Variants in CHRM3 observed in about 807,000 individuals in gnomAD.
CHRM3 encodes muscarinic acetylcholine receptor M3.
In CHRM3, 11 loss-of-function variants were observed where a neutral mutation model predicts 41.8. The ratio of observed to expected loss-of-function variants is 0.26; its 90% CI spans 0.17 to 0.44. CHRM3 has a LOEUF of 0.44. Ranked by LOEUF, CHRM3 falls within the 20% of genes least tolerant of loss-of-function variation. The probability of loss-of-function intolerance (pLI) is 1.00; values close to 1 mark genes in which losing one functional copy is unlikely to be tolerated. For missense variants in CHRM3, 571 were observed against 745.4 expected (o/e 0.77, Z 2.72); for synonymous variants, 297 against 301.4 (o/e 0.99, Z 0.15).
At position 239,910,405 on chromosome 1, in the gene CHRM3, C is replaced by T; in HGVS notation, c.*1181C>T. 6.0e-6 allele frequency: 1 copy of T among 165,636 alleles called. No homozygotes were observed. 10.3% of individuals were successfully genotyped at this position (165,636 alleles called of 1,614,324 possible). A position where few individuals can be genotyped will look rare whatever the true frequency, so the allele number is the denominator to read the frequency against. ...ATTGTGTTTGATTCTTGCTGAATGG[C>T]ACCTTCTCAAAGAAAATAGGGCTTG... is the stretch of plus-strand genomic sequence containing the variant. On this transcript the variant is annotated 3_prime_UTR_variant, in exon 7 of 7. Transcript: ENST00000676153.
At chr1:239,874,305 A>ATCTATATACACAG (rs796978990) in intron 6 of CHRM3, among the ~76,000 whole-genome samples, 2,222 of 119,078 alleles carry the variant, frequency 0.019, 40 homozygotes, top group Middle Eastern at 0.037. Context: ...ATATATATAT[A>ATCTATATACACAG]TATATATATA....
chr1:239,602,082 A>G (rs1026037584), intron 3 of CHRM3, among the ~76,000 whole-genome samples: 2 of 49,102 alleles, frequency 4.1e-5, no homozygotes, highest in African/African-American at 8.6e-5. Context: ...GTACACATAC[A>G]TATATACATG....
chr1:239,662,164 G>GT (rs1159161159), intron 4 of CHRM3, among the ~76,000 whole-genome samples: 1 of 146,260 alleles, frequency 6.8e-6, no homozygotes, highest in Non-Finnish European at 1.5e-5. Flanking sequence ...TGGATAAGAG[G>GT]TTAAAAAAAA....
intron 1 of CHRM3, among the ~76,000 whole-genome samples, chr1:239,389,923 A>T (rs903558292): frequency 1.3e-5 from 2 of 152,184 alleles, no homozygotes; most frequent in Non-Finnish European, 2.9e-5. Flanking sequence ...GGCACTTTAG[A>T]TAGGAGATGA....
chr1:239,646,505 T>G (rs911396130), intron 4 of CHRM3, among the ~76,000 whole-genome samples: 1 of 152,210 alleles, frequency 6.6e-6, no homozygotes, highest in Non-Finnish European at 1.5e-5. Context: ...GAAAGTGACA[T>G]GTTAATTGAC....
chr1:239,509,089 A>G (rs1329927290), intron 2 of CHRM3, among the ~76,000 whole-genome samples: 1 of 152,224 alleles, frequency 6.6e-6, no homozygotes, highest in African/African-American at 2.4e-5. Context: ...TATTACAGTG[A>G]TAAGGAATTT....
At position 239,913,937 on chromosome 1, in the gene CHRM3, G is replaced by A. The variant is rs1458089316; in HGVS notation, c.*4713G>A. On this transcript the variant is annotated 3_prime_UTR_variant, in exon 7 of 7. Coordinates refer to ENST00000676153, the MANE Select transcript of CHRM3 (RefSeq NM_001375978.1). ...GTAGAACCACAGAGACTCACACAAA[G>A]TTCTGACCCTACCACTCTGGTCTGG... 3 of 166,986 alleles carry A rather than the reference G, an allele frequency of 1.8e-5. No individual in the cohort carries two copies. The highest frequency in any genetic ancestry group is 2.9e-5 in the Non-Finnish European group (2 of 68,106). 10.3% of individuals were successfully genotyped at this position (166,986 alleles called of 1,614,324 possible).
intron 5 of CHRM3, among the ~76,000 whole-genome samples, chr1:239,811,084 C>T (rs970396445): frequency 2.0e-5 from 3 of 152,196 alleles, no homozygotes; most frequent in Non-Finnish European, 4.4e-5. Flanking sequence ...TGAATTCGAA[C>T]AGTTTATGAA....
intron 1 of CHRM3, among the ~76,000 whole-genome samples, chr1:239,486,684 T>C (rs1572464895): frequency 6.6e-6 from 1 of 152,196 alleles, no homozygotes; most frequent in East Asian, 1.9e-4. Context: ...ACAAAACAGG[T>C]GGCTAATAAG....
At position 239,490,827 on chromosome 1, in the gene CHRM3, G is replaced by A. The variant is rs149893530; in HGVS notation, c.-520-1882G>A. ...AGTGGTGCCATCACAGCTCACTGCA[G>A]CCTCATTCTTCCGGGGCTGACTTCC... On this transcript the variant is annotated intron_variant, in intron 1 of 6. Transcript: ENST00000676153. Among the ~76,000 whole-genome samples the A allele has an allele frequency of 4.4e-3, 677 of 152,180 alleles. 5 individuals are homozygous for A. The highest frequency in any genetic ancestry group is 0.014 in the Middle Eastern group (4 of 294).
intron 5 of CHRM3, among the ~76,000 whole-genome samples, chr1:239,766,872 TG>T (rs1197564539): frequency 3.3e-5 from 5 of 152,064 alleles, no homozygotes; most frequent in Non-Finnish European, 7.4e-5. Context: ...CCACCATGCC[TG>T]GCTAATTTTT....
intron 3 of CHRM3, among the ~76,000 whole-genome samples, chr1:239,591,630 T>G (rs1664166150): frequency 6.6e-6 from 1 of 152,032 alleles, no homozygotes; most frequent in African/African-American, 2.4e-5. Context: ...GAAACAAGAT[T>G]ACTCTGAACT....
At chr1:239,635,942 T>C (rs1425516628) in intron 4 of CHRM3, among the ~76,000 whole-genome samples, 1 of 151,978 alleles carries the variant, frequency 6.6e-6, no homozygotes, top group Non-Finnish European at 1.5e-5. Context: ...TTTGCTTAGA[T>C]GGGAAGAAAA....
intron 4 of CHRM3, among the ~76,000 whole-genome samples, chr1:239,669,120 T>G (rs1199976696): frequency 6.6e-6 from 1 of 152,202 alleles, no homozygotes; most frequent in Non-Finnish European, 1.5e-5. Context: ...TGGAATAGGC[T>G]GTGCACTCCT....
chr1:239,403,517 C>T (rs569282726), intron 1 of CHRM3, among the ~76,000 whole-genome samples: 4 of 152,180 alleles, frequency 2.6e-5, no homozygotes, highest in Non-Finnish European at 4.4e-5. Context: ...CAGAACTTCC[C>T]TTGCCTGGAG....
rs180689528 is a variant in CHRM3, at chr1:239,474,115, A to G, written c.-520-18594A>G. The stretch of plus-strand genomic sequence containing the variant: ...CATTTCAGAGTATAAAAGAAAAAAT[A>G]AAATTAAAATCAACCATATAAAGAT... On this transcript the variant is annotated intron_variant, in intron 1 of 6. Coordinates refer to ENST00000676153, the MANE Select transcript of CHRM3 (RefSeq NM_001375978.1). 5.6e-4 allele frequency among the ~76,000 whole-genome samples: 85 copies of G among 152,230 alleles called. 1 individual carries two copies. Among genetic ancestry groups the G allele is most frequent in the Middle Eastern group, 3.4e-3 (1 of 294 alleles).
chr1:239,539,339 A>T (rs962629771), intron 2 of CHRM3, among the ~76,000 whole-genome samples: 12 of 152,192 alleles, frequency 7.9e-5, no homozygotes, highest in African/African-American at 2.9e-4. Flanking sequence ...CTCCCCTAAG[A>T]TGAAAGTCTG....
At chr1:239,839,319 C>T (rs1233522164) in intron 6 of CHRM3, among the ~76,000 whole-genome samples, 2 of 152,192 alleles carry the variant, frequency 1.3e-5, no homozygotes, top group Non-Finnish European at 2.9e-5. Flanking sequence ...TGTGTTGTTA[C>T]GGAGTGCATG....
intron 2 of CHRM3, among the ~76,000 whole-genome samples, chr1:239,511,096 C>T (rs961160545): frequency 1.3e-5 from 2 of 152,180 alleles, no homozygotes; most frequent in Non-Finnish European, 2.9e-5. Flanking sequence ...GCCTTCACTG[C>T]TGAGCAGCCT....
Sources: gnomAD v4.1 joint callset for allele counts (sites outside exome capture counted in the v4.1 genomes callset) on GRCh38, gnomAD v4.1.1 for gene constraint, MANE v1.5 for transcripts, NCBI Gene and HGNC (gene_info 2026-07-23, HGNC 2026-07-21) for gene names.